Variants in CTNND1 observed in about 807,000 individuals in gnomAD.
The protein encoded by CTNND1 is catenin delta-1.
A neutral mutation model predicts 112.1 loss-of-function variants in CTNND1; 16 were observed. The ratio of observed to expected loss-of-function variants is 0.14; its 90% CI spans 0.10 to 0.22. CTNND1 has a LOEUF of 0.22. Among genes scored for constraint, CTNND1 ranks in the 10% least tolerant of loss-of-function variants. The pLI is 1.00. For missense variants in CTNND1, 1,008 were observed against 1,257.0 expected (o/e 0.80, Z 3.00); for synonymous variants, 420 against 446.5 (o/e 0.94, Z 0.75).
rs1274143869 is a variant in CTNND1, at chr11:57,790,385, C to CT, written c.-94-984dup. Among the ~76,000 whole-genome samples the CT allele has an allele frequency of 3.8e-3, 533 of 139,640 alleles. 3 individuals carry two copies. The highest frequency in any genetic ancestry group is 0.024 in the East Asian group (118 of 4,842). 91.6% of individuals were successfully genotyped at this position (139,640 alleles called of 152,430 possible). A position where few individuals can be genotyped will look rare whatever the true frequency, so the allele number is the denominator to read the frequency against. On this transcript the variant is annotated intron_variant, in intron 2 of 20. Transcript: ENST00000399050. ...GCCACCTACTTTCATTTCTTTCTTT[C>CT]TTTTTTTTTTTTTTTTGAGACGGAG... is the stretch of plus-strand genomic sequence containing the variant.
Position 57,780,132 on chromosome 11 carries a change from C to T in CTNND1, c.-213-8905C>T, listed in dbSNP as rs141492741. Among the ~76,000 whole-genome samples, 736 of 147,230 alleles carry T rather than the reference C, an allele frequency of 5.0e-3. 6 individuals carry two copies. Among genetic ancestry groups the T allele is most frequent in the African/African-American group, 0.018 (704 of 40,058 alleles). On this transcript the variant is annotated intron_variant, in intron 1 of 20. Coordinates refer to ENST00000399050, the MANE Select transcript of CTNND1 (RefSeq NM_001085458.2). The stretch of plus-strand genomic sequence containing the variant: ...ACAGTGGCACAATCTTGGCTGACTG[C>T]AGCCTGGAACCACCAGGCTCAAGTG...
rs932957523 is a variant in CTNND1 at position 57,795,710 on chromosome 11, C to G, written c.401C>G (p.Thr134Ser). The change falls in exon 5 of 21, where the codon ACT becomes AGT. Residue 134 changes from threonine to serine, a missense_variant. Around this residue, in one of 5 missense-constraint regions of CTNND1, gnomAD observed 404 missense variants for 457.9 expected, o/e 0.88. Transcript: ENST00000399050. ...GTGGAGACCTCAGATGATGGGACCA[C>G]TCGGCGCACAGAGACCACGGTAAAC... ...VSVETSDDGT[T>S]RRTETTVKKV... is the part of the protein sequence containing the mutation. 1.2e-6 allele frequency: 2 copies of G among 1,601,776 alleles called. No individual in the cohort carries two copies. The highest frequency in any genetic ancestry group is 1.7e-6 in the Non-Finnish European group (2 of 1,176,132).
chr11:57,803,815 G>A lies in CTNND1; in HGVS notation c.1604+11G>A, dbSNP rs775978594. On this transcript the variant is annotated intron_variant, in intron 8 of 20. Coordinates refer to ENST00000399050, the MANE Select transcript of CTNND1 (RefSeq NM_001085458.2). ...AGCTGGCTGCCTTAGGTAACAGTAG[G>A]GACTTTGAGAATATGAAGATGAATT... 1.3e-6 allele frequency: 2 copies of A among 1,551,086 alleles called. No individual in the cohort carries two copies. The highest frequency in any genetic ancestry group is 2.5e-5 in the South Asian group (2 of 81,600).
chr11:57,764,476 A>G (rs970198238), intron 1 of CTNND1, among the ~76,000 whole-genome samples: 1 of 152,204 alleles, frequency 6.6e-6, no homozygotes, highest in Admixed American at 6.5e-5. Flanking sequence ...ATAGATCACT[A>G]TCAATTGGAA....
At chr11:57,798,245 G>A (rs2061583771) in intron 6 of CTNND1, among the ~76,000 whole-genome samples, 1 of 151,274 alleles carries the variant, frequency 6.6e-6, no homozygotes, top group African/African-American at 2.4e-5. Context: ...TACTCAGGAG[G>A]CTGAGGCAGG....
intron 6 of CTNND1, 73 bp downstream of exon 6, chr11:57,797,065 C>A (rs2061419208): frequency 7.6e-7 from 1 of 1,316,190 alleles, no homozygotes; most frequent in Non-Finnish European, 9.9e-7. Context: ...CCTTCAACTT[C>A]TAGGGGCTTT....
At chr11:57,800,574 C>T (rs889856554) in intron 6 of CTNND1, among the ~76,000 whole-genome samples, 1 of 152,130 alleles carries the variant, frequency 6.6e-6, no homozygotes, top group African/African-American at 2.4e-5. Flanking sequence ...GGTCCTGTTT[C>T]CGTGTTATTT....
chr11:57,795,878 T>C, intron 5 of CTNND1, 149 bp downstream of exon 5: 2 of 898,022 alleles, frequency 2.2e-6, no homozygotes, highest in Admixed American at 6.8e-5. Flanking sequence ...ATAGAAAGGA[T>C]GAAGAGATGG....
intron 1 of CTNND1, among the ~76,000 whole-genome samples, chr11:57,775,739 G>T (rs189722901): frequency 4.5e-4 from 69 of 152,226 alleles, no homozygotes; most frequent in African/African-American, 1.7e-3. Context: ...TTGGAATATG[G>T]GTGGGGGAGG....
At chr11:57,797,106 C>A (rs904342644) in intron 6 of CTNND1, 114 bp downstream of exon 6, 1 of 909,130 alleles carries the variant, frequency 1.1e-6, no homozygotes, top group Non-Finnish European at 1.5e-6. Context: ...GGCCTCCTCC[C>A]CTCTGCTTTT....
At chr11:57,777,976 G>A (rs2136227384) in intron 1 of CTNND1, among the ~76,000 whole-genome samples, 1 of 152,308 alleles carries the variant, frequency 6.6e-6, no homozygotes, top group East Asian at 1.9e-4. Flanking sequence ...AGTTAGTGGA[G>A]GACCTTTATT....
rs1041013876 is a variant in CTNND1 at position 57,808,675 on chromosome 11, C to T, written c.2242+135C>T. ...TCCCCCGCTTCATAGTTTATGAATGCGAGAGTTGGTAAGGGTTTTAGTTTA... is the reference window on the plus strand; with the variant it reads ...TCCCCCGCTTCATAGTTTATGAATGTGAGAGTTGGTAAGGGTTTTAGTTTA... On this transcript the variant is annotated intron_variant, in intron 14 of 20. Transcript: ENST00000399050. The T allele has an allele frequency of 1.3e-5, 10 of 789,356 alleles. No homozygotes were observed. The South Asian group carries it at 2.0e-4, about 16-fold the overall frequency. The allele number at this position is 789,356 out of a possible 1,614,324, so 48.9% of individuals were successfully genotyped here. A position where few individuals can be genotyped will look rare whatever the true frequency, so the allele number is the denominator to read the frequency against.
chr11:57,772,448 C>G (rs928972036), intron 1 of CTNND1, among the ~76,000 whole-genome samples: 1 of 152,120 alleles, frequency 6.6e-6, no homozygotes, highest in African/African-American at 2.4e-5. Context: ...CTCCTGTTTC[C>G]CCATGCCCTG....
chr11:57,771,073 C>A (rs1457957279), intron 1 of CTNND1, among the ~76,000 whole-genome samples: 6 of 150,436 alleles, frequency 4.0e-5, no homozygotes, highest in Non-Finnish European at 8.9e-5. Flanking sequence ...ACCTAGGCCT[C>A]TTCATAGGCC....
intron 1 of CTNND1, among the ~76,000 whole-genome samples, chr11:57,779,606 G>A (rs1235306811): frequency 6.6e-6 from 1 of 152,148 alleles, no homozygotes; most frequent in Non-Finnish European, 1.5e-5. Context: ...TTCTTATGCT[G>A]GCTAGCACAA....
rs372636910 is a variant in CTNND1 at position 57,791,470 on chromosome 11, C to T, written c.-9C>T. On this transcript the variant is annotated 5_prime_UTR_variant, in exon 3 of 21. Transcript: ENST00000399050. ...ACCCTGCCCTGCGGCGGCTCCGCCCCTTACCTTCATGGACGACTCAGAGGT... is the reference window on the plus strand; with the variant it reads ...ACCCTGCCCTGCGGCGGCTCCGCCCTTTACCTTCATGGACGACTCAGAGGT... 7 of 1,494,018 alleles carry T rather than the reference C, an allele frequency of 4.7e-6. No homozygotes were observed. The East Asian group carries it at 1.3e-4, about 28-fold the overall frequency. 92.5% of individuals were successfully genotyped at this position (1,494,018 alleles called of 1,614,324 possible). A position where few individuals can be genotyped will look rare whatever the true frequency, so the allele number is the denominator to read the frequency against.
At chr11:57,762,535 T>C (rs1351602684) in intron 1 of CTNND1, among the ~76,000 whole-genome samples, 1 of 152,154 alleles carries the variant, frequency 6.6e-6, no homozygotes, top group East Asian at 1.9e-4. Context: ...TCTTTTATCA[T>C]TGGATTTGTG....
At chr11:57,789,728 G>A (rs1175531297) in intron 2 of CTNND1, among the ~76,000 whole-genome samples, 1 of 152,140 alleles carries the variant, frequency 6.6e-6, no homozygotes, top group Non-Finnish European at 1.5e-5. Context: ...ATTTGTGTTG[G>A]GCCGCATTCA....
intron 4 of CTNND1, 142 bp from the exon 5 acceptor site, chr11:57,795,435 C>A: frequency 1.3e-6 from 1 of 788,284 alleles, no homozygotes; most frequent in Non-Finnish European, 2.0e-6. Context: ...AGATGACAGC[C>A]ACCCATCTAA....
Sources: gnomAD v4.1 joint callset for allele counts (sites outside exome capture counted in the v4.1 genomes callset) on GRCh38, gnomAD v4.1.1 for gene constraint, gnomAD v4.1.1 regional missense constraint, MANE v1.5 for transcripts, NCBI Gene and HGNC (gene_info 2026-07-23, HGNC 2026-07-21) for gene names.